Variants in MGAT4C observed in about 807,000 individuals in gnomAD.
MGAT4C encodes the protein MGAT4 family member C.
A neutral mutation model predicts 40.1 loss-of-function variants in MGAT4C; 19 were observed. That is an observed-to-expected ratio of 0.47 (90% CI 0.33 to 0.70). The LOEUF (loss-of-function observed/expected upper bound fraction) is 0.70, where lower values mean the gene tolerates loss of function less well. Among genes scored for constraint, MGAT4C ranks in the 30% least tolerant of loss-of-function variants. MGAT4C has a pLI of 0.02. For missense variants in MGAT4C, 491 were observed against 563.2 expected (o/e 0.87, Z 1.30); for synonymous variants, 181 against 187.1 (o/e 0.97, Z 0.27).
At chr12:86,457,415 A>C (rs1052795424) in intron 2 of MGAT4C, among the ~76,000 whole-genome samples, 7 of 152,164 alleles carry the variant, frequency 4.6e-5, no homozygotes, top group Admixed American at 3.9e-4. Flanking sequence ...TTTTAAAAAT[A>C]ATAGACTTTT....
At chr12:86,442,658 T>C (rs1957254148) in intron 2 of MGAT4C, among the ~76,000 whole-genome samples, 1 of 151,974 alleles carries the variant, frequency 6.6e-6, no homozygotes, top group Non-Finnish European at 1.5e-5. Context: ...TAGTTGTAGG[T>C]ATGCAGCGTT....
intron 1 of MGAT4C, among the ~76,000 whole-genome samples, chr12:86,060,741 CA>C (rs1893875413): frequency 1.3e-5 from 2 of 151,996 alleles, no homozygotes; most frequent in African/African-American, 4.8e-5. Flanking sequence ...GAATTCAGCC[CA>C]AAAGTGGACT....
At chr12:86,413,433 A>C (rs953466826) in intron 3 of MGAT4C, among the ~76,000 whole-genome samples, 2 of 152,208 alleles carry the variant, frequency 1.3e-5, no homozygotes, top group Non-Finnish European at 2.9e-5. Context: ...GAGTATACAG[A>C]GCTAGAATCA....
chr12:86,340,750 C>T (rs73387206), intron 3 of MGAT4C, among the ~76,000 whole-genome samples: 1,569 of 152,166 alleles, frequency 0.01, 32 homozygotes, highest in African/African-American at 0.036. Context: ...AGAAGACCTA[C>T]ACAGTGGAAT....
At chr12:86,404,818 T>G (rs1212987510) in intron 3 of MGAT4C, among the ~76,000 whole-genome samples, 2 of 152,170 alleles carry the variant, frequency 1.3e-5, no homozygotes, top group Admixed American at 1.3e-4. Context: ...ATGGACTGCC[T>G]TTGAAAGTAA....
intron 2 of MGAT4C, among the ~76,000 whole-genome samples, chr12:86,538,901 C>T (rs970582713): frequency 2.6e-5 from 4 of 152,170 alleles, no homozygotes; most frequent in African/African-American, 9.7e-5. Flanking sequence ...GCCACTGTGC[C>T]TGGCCCAAAG....
intron 1 of MGAT4C, among the ~76,000 whole-genome samples, chr12:86,216,742 T>A (rs983100537): frequency 6.6e-6 from 1 of 152,228 alleles, no homozygotes; most frequent in Non-Finnish European, 1.5e-5. Flanking sequence ...CAAGTTTACA[T>A]GACTTGGCTA....
At chr12:86,402,183 G>A (rs1269880940) in intron 3 of MGAT4C, among the ~76,000 whole-genome samples, 3 of 151,892 alleles carry the variant, frequency 2.0e-5, no homozygotes, top group African/African-American at 7.3e-5. Flanking sequence ...AGTGGCTCAC[G>A]CTTGTAATTC....
chr12:86,825,898 T>G (rs901259012), intron 1 of MGAT4C, among the ~76,000 whole-genome samples: 1 of 151,314 alleles, frequency 6.6e-6, no homozygotes, highest in African/African-American at 2.4e-5. Flanking sequence ...GTCTTGGAGA[T>G]TTAAAAAGGA....
intron 1 of MGAT4C, among the ~76,000 whole-genome samples, chr12:86,253,665 C>T (rs1566229706): frequency 6.6e-6 from 1 of 151,922 alleles, no homozygotes. Flanking sequence ...TAAGTCCAAG[C>T]TGTCCAAAAT....
chr12:86,222,913 C>A (rs1312543144), intron 1 of MGAT4C, among the ~76,000 whole-genome samples: 1 of 152,164 alleles, frequency 6.6e-6, no homozygotes, highest in Non-Finnish European at 1.5e-5. Context: ...GAAAGACACC[C>A]ACAACTCCAC....
chr12:86,029,980 T>A (rs897402123), intron 2 of MGAT4C, among the ~76,000 whole-genome samples: 2 of 151,820 alleles, frequency 1.3e-5, no homozygotes, highest in African/African-American at 4.8e-5. Flanking sequence ...CTTAGGCAAA[T>A]GCCTATTAAA....
rs1241683967 is a variant in MGAT4C at position 86,502,628 on chromosome 12, TATGATTTCTGCTCATATATATAC to T, written c.-228-67386_-228-67364del. Among the ~76,000 whole-genome samples the T allele has an allele frequency of 0.018, 2,716 of 149,368 alleles. 187 individuals are homozygous for T. The East Asian group carries it at 0.22, about 12-fold the overall frequency. On this transcript the variant is annotated intron_variant, in intron 2 of 7. Transcript: ENST00000548651. ...AGTTATATATATATGTATATATATATATGATTTCTGCTCATATATATACATGATTTCTGCTCATATATATACAC... is the reference window on the plus strand; with the variant it reads ...AGTTATATATATATGTATATATATATATGATTTCTGCTCATATATATACAC...
At chr12:86,474,724 G>A (rs976781276) in intron 2 of MGAT4C, among the ~76,000 whole-genome samples, 1 of 151,862 alleles carries the variant, frequency 6.6e-6, no homozygotes, top group African/African-American at 2.4e-5. Flanking sequence ...ACAGTAAATA[G>A]AGGTTTTCTA....
intron 2 of MGAT4C, among the ~76,000 whole-genome samples, chr12:86,528,072 G>C (rs1230977751): frequency 6.6e-6 from 1 of 152,088 alleles, no homozygotes; most frequent in Non-Finnish European, 1.5e-5. Context: ...GTTCATTAAA[G>C]CTGATTAAAG....
chr12:86,548,589 C>T (rs1959218784), intron 2 of MGAT4C, among the ~76,000 whole-genome samples: 1 of 152,150 alleles, frequency 6.6e-6, no homozygotes, highest in Non-Finnish European at 1.5e-5. Context: ...GCCAGATGAA[C>T]ATTTTAGGCA....
chr12:86,403,065 C>T (rs1483139613), intron 3 of MGAT4C, among the ~76,000 whole-genome samples: 1 of 152,168 alleles, frequency 6.6e-6, no homozygotes, highest in African/African-American at 2.4e-5. Flanking sequence ...CCATGACTAT[C>T]AAATTTGAAT....
intron 3 of MGAT4C, among the ~76,000 whole-genome samples, chr12:86,400,355 C>T (rs1956334273): frequency 6.6e-6 from 1 of 152,146 alleles, no homozygotes; most frequent in South Asian, 2.1e-4. Context: ...TAAATAAAGA[C>T]TGTATTACCC....
intron 2 of MGAT4C, among the ~76,000 whole-genome samples, chr12:86,599,993 C>A (rs1490030289): frequency 2.6e-5 from 4 of 151,722 alleles, no homozygotes; most frequent in African/African-American, 9.7e-5. Flanking sequence ...ACAAAAAAAC[C>A]AGAAACAAAG....
Sources: allele counts gnomAD v4.1 joint callset (sites outside exome capture counted in the v4.1 genomes callset), GRCh38; gene constraint gnomAD v4.1.1; transcripts MANE v1.5; gene names NCBI Gene and HGNC (gene_info 2026-07-23, HGNC 2026-07-21).